Variants in SUFU observed in about 807,000 individuals in gnomAD.
The protein encoded by SUFU is SUFU negative regulator of hedgehog signaling.
Under a neutral mutation model 58.9 loss-of-function variants are expected in SUFU, and 7 were observed. The observed-to-expected ratio is 0.12, with a 90% CI of 0.07 to 0.22. The LOEUF (loss-of-function observed/expected upper bound fraction) is 0.22, where lower values mean the gene tolerates loss of function less well. Among genes scored for constraint, SUFU ranks in the 10% least tolerant of loss-of-function variants. SUFU has a pLI of 1.00. For synonymous variants in SUFU, 232 were observed against 254.8 expected (o/e 0.91, Z 0.85); for missense variants, 451 against 641.3 (o/e 0.70, Z 3.20).
intron 3 of SUFU, among the ~76,000 whole-genome samples, chr10:102,589,442 C>CTTTTT (rs747625757): frequency 0.043 from 2,822 of 65,122 alleles, 708 homozygotes; most frequent in African/African-American, 0.15. Context: ...TTCTTTCTTT[C>CTTTTT]TTTTTTTTTT....
intron 11 of SUFU, 107 bp downstream of exon 11, chr10:102,627,350 G>C: frequency 9.7e-7 from 1 of 1,032,850 alleles, no homozygotes; most frequent in South Asian, 1.3e-5. Flanking sequence ...CCTGTGGTGC[G>C]TGTGTGCTTG....
chr10:102,568,576 T>C (rs1010647949), intron 3 of SUFU, among the ~76,000 whole-genome samples: 8 of 152,054 alleles, frequency 5.3e-5, no homozygotes, highest in Non-Finnish European at 1.0e-4. Context: ...TCTTTCTAGC[T>C]AAGTAACTAT....
intron 8 of SUFU, among the ~76,000 whole-genome samples, chr10:102,611,998 C>T (rs1357261731): frequency 6.6e-6 from 1 of 152,222 alleles, no homozygotes; most frequent in Non-Finnish European, 1.5e-5. Context: ...AAAATTAGGC[C>T]ATGCTGCCGA....
chr10:102,519,648 C>T (rs556072395), intron 2 of SUFU, among the ~76,000 whole-genome samples: 83 of 152,092 alleles, frequency 5.5e-4, no homozygotes, highest in Non-Finnish European at 1.1e-3. Flanking sequence ...TTCCCATGGT[C>T]ATGCTGCTGC....
chr10:102,593,564 C>A, intron 4 of SUFU, 72 bp from the exon 5 acceptor site: 1 of 1,493,174 alleles, frequency 6.7e-7, no homozygotes, highest in Non-Finnish European at 9.3e-7. Context: ...ACTCAGAGAG[C>A]CTGGGTAGCT....
intron 2 of SUFU, among the ~76,000 whole-genome samples, chr10:102,543,839 A>C (rs1171276300): frequency 6.6e-6 from 1 of 152,242 alleles, no homozygotes; most frequent in African/African-American, 2.4e-5. Context: ...AACTCTATGA[A>C]ACAGTTACTG....
At chr10:102,589,951 T>A (rs1328303417) in intron 3 of SUFU, among the ~76,000 whole-genome samples, 1 of 152,004 alleles carries the variant, frequency 6.6e-6, no homozygotes, top group Non-Finnish European at 1.5e-5. Flanking sequence ...TTCCATCTAT[T>A]CCAAATCTGA....
chr10:102,588,021 G>A (rs377656494), intron 3 of SUFU, among the ~76,000 whole-genome samples: 51 of 152,284 alleles, frequency 3.3e-4, no homozygotes, highest in Admixed American at 1.2e-3. Flanking sequence ...ATCCTTTTGC[G>A]TGTGAGTATC....
chr10:102,544,244 T>G (rs2062832054), intron 2 of SUFU, among the ~76,000 whole-genome samples: 1 of 152,092 alleles, frequency 6.6e-6, no homozygotes, highest in South Asian at 2.1e-4. Context: ...AGTCCTAGAG[T>G]TATAGAGAGT....
At chr10:102,621,498 C>CT in intron 10 of SUFU, among the ~76,000 whole-genome samples, 1 of 152,168 alleles carries the variant, frequency 6.6e-6, no homozygotes, top group East Asian at 1.9e-4. Flanking sequence ...CTGCAGCCCG[C>CT]TACCTGCCGC....
intron 2 of SUFU, among the ~76,000 whole-genome samples, chr10:102,547,600 T>C: frequency 6.6e-6 from 1 of 152,130 alleles, no homozygotes; most frequent in Non-Finnish European, 1.5e-5. Flanking sequence ...GGCGGGAGGA[T>C]TACTTGAGCC....
chr10:102,505,770 A>T (rs1477187027), intron 1 of SUFU, among the ~76,000 whole-genome samples: 2 of 152,188 alleles, frequency 1.3e-5, no homozygotes, highest in African/African-American at 4.8e-5. Flanking sequence ...TCACTGGCGA[A>T]CTGTTCTCTG....
chr10:102,617,188 G>A lies in SUFU; in HGVS notation c.1158-102G>A, dbSNP rs182387010. The A allele has an allele frequency of 1.2e-4, 177 of 1,531,304 alleles. No individual in the cohort carries two copies. The East Asian group carries it at 3.0e-3, about 26-fold the overall frequency. 94.9% of individuals were successfully genotyped at this position (1,531,304 alleles called of 1,614,324 possible). A position where few individuals can be genotyped will look rare whatever the true frequency, so the allele number is the denominator to read the frequency against. On this transcript the variant is annotated intron_variant, in intron 9 of 11. Transcript: ENST00000369902. This position sits in a 1 kb window ranked among gnomAD's most constrained non-coding sequence, Gnocchi z 4.4. ...GCCAGGAGGGCATGTTACCTGGCCC[G>A]CGGACCATAGTCCCCACTGTCCCAG...
rs761003435 is a variant in SUFU, at chr10:102,597,221, C to A, written c.838C>A (p.Arg280=). The change falls in exon 7 of 12, where the codon CGG becomes AGG. Residue 280 remains arginine, a synonymous_variant. Transcript: ENST00000369902. ...SAKCAWDDLS[R]PPEDDEDSRS... ...CAAGTGTGCCTGGGATGACCTGAGCCGGCCCCCCGAGGATGACGAGGACAG... is the reference window on the plus strand; with the variant it reads ...CAAGTGTGCCTGGGATGACCTGAGCAGGCCCCCCGAGGATGACGAGGACAG... The A allele has an allele frequency of 9.9e-6, 16 of 1,613,970 alleles. 3 individuals carry two copies. In the Middle Eastern group the frequency reaches 2.5e-3, roughly 250 times the overall value.
chr10:102,518,661 C>T (rs540904821), intron 2 of SUFU, among the ~76,000 whole-genome samples: 2 of 152,148 alleles, frequency 1.3e-5, no homozygotes, highest in African/African-American at 4.8e-5. Flanking sequence ...ATCCTCCTAC[C>T]TCAACCTCCT....
chr10:102,532,198 C>A (rs146344792), intron 2 of SUFU, among the ~76,000 whole-genome samples: 3 of 152,080 alleles, frequency 2.0e-5, no homozygotes, highest in Non-Finnish European at 4.4e-5. Context: ...GAACTCCTGA[C>A]CCTCTAGTGA....
chr10:102,605,064 A>C (rs907177508), intron 8 of SUFU, among the ~76,000 whole-genome samples: 8 of 151,638 alleles, frequency 5.3e-5, no homozygotes, highest in African/African-American at 1.9e-4. Flanking sequence ...GATTATAAGC[A>C]CACACCACCA....
Position 102,557,523 on chromosome 10 carries a change from G to A in SUFU, c.454+7417G>A, listed in dbSNP as rs149344312. ...TAGGAGGATTACTTGAGCCAGGGAG[G>A]TCGAGGCTGCCTTGAGCCAGGGAGG... is the stretch of plus-strand genomic sequence containing the variant. On this transcript the variant is annotated intron_variant, in intron 3 of 11. Transcript: ENST00000369902. 7.9e-5 allele frequency among the ~76,000 whole-genome samples: 12 copies of A among 152,066 alleles called. No homozygotes were observed. The East Asian group carries it at 2.3e-3, about 29-fold the overall frequency.
chr10:102,620,105 G>C (rs2063727646), intron 10 of SUFU, among the ~76,000 whole-genome samples: 2 of 152,228 alleles, frequency 1.3e-5, no homozygotes. Flanking sequence ...ACGAGACCCA[G>C]TCTTATGTTC....
Sources: gnomAD v4.1 joint callset for allele counts (sites outside exome capture counted in the v4.1 genomes callset) on GRCh38, gnomAD v4.1.1 for gene constraint, Gnocchi (gnomAD v3.1) non-coding constraint, MANE v1.5 for transcripts, NCBI Gene and HGNC (gene_info 2026-07-23, HGNC 2026-07-21) for gene names.